CMIP: variants seen among roughly 807,000 people sequenced by gnomAD.
The protein encoded by CMIP is C-Maf-inducing protein.
CMIP carries 13 observed loss-of-function variants against 97.3 expected under a neutral mutation model. The observed-to-expected ratio is 0.13, with a 90% CI of 0.09 to 0.21. The LOEUF (loss-of-function observed/expected upper bound fraction) is 0.21, where lower values mean the gene tolerates loss of function less well. Ranked by LOEUF, CMIP falls within the 10% of genes least tolerant of loss-of-function variation. The pLI is 1.00. For synonymous variants in CMIP, 538 were observed against 436.3 expected (o/e 1.23, Z -2.91); for missense variants, 847 against 1,024.9 (o/e 0.83, Z 2.37).
At chr16:81,645,116 C>G (rs917824551) in intron 3 of CMIP, among the ~76,000 whole-genome samples, 3 of 152,256 alleles carry the variant, frequency 2.0e-5, no homozygotes, top group Admixed American at 1.3e-4. Context: ...GATCAAGATG[C>G]TGGATTTGTA....
intron 8 of CMIP, 72 bp downstream of exon 8, chr16:81,670,317 T>C: frequency 6.8e-7 from 1 of 1,465,996 alleles, no homozygotes; most frequent in Non-Finnish European, 9.3e-7. Flanking sequence ...TACTCAGATA[T>C]CCACGGGGGG....
At chr16:81,649,110 G>A (rs1164766595) in intron 3 of CMIP, among the ~76,000 whole-genome samples, 1 of 152,190 alleles carries the variant, frequency 6.6e-6, no homozygotes, top group East Asian at 1.9e-4. Context: ...CCCAACTCAT[G>A]GGATACTGTG....
chr16:81,598,714 C>T (rs975775948), intron 1 of CMIP, among the ~76,000 whole-genome samples: 1 of 152,194 alleles, frequency 6.6e-6, no homozygotes, highest in Non-Finnish European at 1.5e-5. Context: ...CACCTGTAAT[C>T]CCAGCACTTT....
intron 3 of CMIP, chr16:81,645,858 C>A (rs1257136192): frequency 1.8e-6 from 1 of 544,848 alleles, no homozygotes; most frequent in Non-Finnish European, 3.3e-6. Flanking sequence ...ATGAAATAGT[C>A]ACAGCAAGCC....
chr16:81,463,004 C>G (rs1272285058), intron 1 of CMIP, among the ~76,000 whole-genome samples: 1 of 152,120 alleles, frequency 6.6e-6, no homozygotes, highest in Admixed American at 6.5e-5. Context: ...CATTTGAACG[C>G]CTGGAATTTG....
chr16:81,584,588 T>A (rs773235916), intron 1 of CMIP, among the ~76,000 whole-genome samples: 3 of 152,228 alleles, frequency 2.0e-5, no homozygotes, highest in Non-Finnish European at 4.4e-5. Flanking sequence ...GTTAAGAGTG[T>A]GCCCGTGTAG....
chr16:81,666,511 T>C (rs987073093), intron 7 of CMIP: 7 of 152,132 alleles, frequency 4.6e-5, no homozygotes, highest in Non-Finnish European at 8.8e-5. Flanking sequence ...GTGTTGACCA[T>C]GTATTAATTT....
intron 1 of CMIP, among the ~76,000 whole-genome samples, chr16:81,531,872 T>G (rs2090242663): frequency 6.6e-6 from 1 of 152,252 alleles, no homozygotes; most frequent in East Asian, 1.9e-4. Flanking sequence ...TTGTTGATTA[T>G]CTCACCTCCA....
intron 1 of CMIP, among the ~76,000 whole-genome samples, chr16:81,467,834 G>A (rs1907296860): frequency 6.7e-6 from 1 of 150,074 alleles, no homozygotes; most frequent in Admixed American, 6.6e-5. Context: ...ACCTGCCTCG[G>A]CCTCCCAAAG....
chr16:81,510,483 C>T (rs1056065227), intron 1 of CMIP, among the ~76,000 whole-genome samples: 4 of 152,108 alleles, frequency 2.6e-5, no homozygotes, highest in African/African-American at 9.7e-5. Context: ...TTGTTAGTAG[C>T]CCTGTTTAGG....
chr16:81,550,125 C>T (rs2090624213), intron 1 of CMIP, among the ~76,000 whole-genome samples: 1 of 152,142 alleles, frequency 6.6e-6, no homozygotes, highest in Non-Finnish European at 1.5e-5. Context: ...ACACTGAGCA[C>T]CCTGCCCATG....
At chr16:81,700,327 C>T (rs1311817883) in intron 15 of CMIP, among the ~76,000 whole-genome samples, 1 of 152,094 alleles carries the variant, frequency 6.6e-6, no homozygotes, top group Admixed American at 6.5e-5. Flanking sequence ...CACCCAGCCC[C>T]ACAGGTCACC....
intron 6 of CMIP, 87 bp from the exon 7 acceptor site, chr16:81,664,182 C>G: frequency 7.6e-7 from 1 of 1,307,412 alleles, no homozygotes. Context: ...CACAGCTGGG[C>G]TGACTGTCCC....
intron 1 of CMIP, among the ~76,000 whole-genome samples, chr16:81,462,716 A>C (rs1906968016): frequency 1.3e-5 from 2 of 152,178 alleles, no homozygotes; most frequent in African/African-American, 4.8e-5. Flanking sequence ...TGTTTGTTTT[A>C]AGATTTAGAG....
chr16:81,568,789 A>T (rs367827338), intron 1 of CMIP, among the ~76,000 whole-genome samples: 1 of 152,192 alleles, frequency 6.6e-6, no homozygotes, highest in Admixed American at 6.5e-5. Context: ...CAGACCAGCA[A>T]CCAGCCTCGC....
At chr16:81,505,583 G>C (rs2089693695) in intron 1 of CMIP, among the ~76,000 whole-genome samples, 1 of 152,234 alleles carries the variant, frequency 6.6e-6, no homozygotes, top group Admixed American at 6.5e-5. Flanking sequence ...AGACTGTGAA[G>C]AAAGTTATGA....
At chr16:81,617,982 G>A (rs1016041758) in intron 2 of CMIP, among the ~76,000 whole-genome samples, 4 of 152,188 alleles carry the variant, frequency 2.6e-5, no homozygotes, top group East Asian at 1.9e-4. Context: ...TTGCTTGGCC[G>A]TTCCGTCCAG....
At chr16:81,674,080 G>A (rs569305592) in intron 9 of CMIP, among the ~76,000 whole-genome samples, 1 of 152,304 alleles carries the variant, frequency 6.6e-6, no homozygotes, top group East Asian at 1.9e-4. Context: ...GCATGAGAGA[G>A]GGTGACTCTT....
intron 1 of CMIP, among the ~76,000 whole-genome samples, chr16:81,497,855 G>A (rs12599608): frequency 0.38 from 57,944 of 152,204 alleles, 11,230 homozygotes; most frequent in East Asian, 0.48. Context: ...CCTTCTGCCC[G>A]TGCAGCGTGG....
Sources: allele counts gnomAD v4.1 joint callset (sites outside exome capture counted in the v4.1 genomes callset), GRCh38; gene constraint gnomAD v4.1.1; transcripts MANE v1.5; gene names NCBI Gene and HGNC (gene_info 2026-07-23, HGNC 2026-07-21).